UVSSA: variants seen among roughly 807,000 people sequenced by gnomAD.
UVSSA encodes UV stimulated scaffold protein A, also known as UV-stimulated scaffold protein A.
UVSSA carries 72 observed loss-of-function variants against 73.9 expected under a neutral mutation model. That is an observed-to-expected ratio of 0.97 (90% CI 0.81 to 1.19). The LOEUF is 1.19. Among genes scored for constraint, UVSSA ranks in the 50% most tolerant of loss-of-function variants. The pLI, the probability that UVSSA is intolerant of heterozygous loss-of-function variation, is 0.00. For missense variants in UVSSA, 1,150 were observed against 965.0 expected (o/e 1.19, Z -2.54); for synonymous variants, 454 against 391.3 (o/e 1.16, Z -1.89).
chr4:1,371,547 C>G (rs890167049), intron 8 of UVSSA, among the ~76,000 whole-genome samples: 4 of 152,144 alleles, frequency 2.6e-5, no homozygotes, highest in Non-Finnish European at 5.9e-5. Flanking sequence ...GGGCAATTTA[C>G]AGAAGAAAGA....
chr4:1,355,135 A>T lies in UVSSA; in HGVS notation c.1066A>T (p.Thr356Ser). ...TTCGCAGCGCTTCACCCGCGTCGGG[A>T]CCCACGGTGGATGTTTAAAGCGTGC... ...SWIQRFTRVG[T>S]HGGCLKRAID... The change falls in exon 7 of 14, where the codon ACC (threonine) becomes TCC (serine). Residue 356 changes from threonine to serine, a missense_variant. Transcript: ENST00000389851. The T allele has an allele frequency of 6.2e-7, 1 of 1,613,720 alleles. No individual in the cohort carries two copies. The highest frequency in any genetic ancestry group is 8.5e-7 in the Non-Finnish European group (1 of 1,179,898).
upstream of UVSSA, among the ~76,000 whole-genome samples, chr4:1,346,656 C>T (rs1200374733): frequency 6.6e-6 from 1 of 152,054 alleles, no homozygotes; most frequent in Non-Finnish European, 1.5e-5. Flanking sequence ...GGGCGCCCTG[C>T]GCGGGGCGAG....
chr4:1,384,371 T>TCAGCCCCAGCAGAGCC (rs1172822624), intron 13 of UVSSA: 3 of 180,264 alleles, frequency 1.7e-5, no homozygotes, highest in East Asian at 1.7e-4. Flanking sequence ...GGTCCACGCG[T>TCAGCCCCAGCAGAGCC]CAGCCCCAGC....
At chr4:1,368,904 G>A (rs1161494743) in intron 8 of UVSSA, among the ~76,000 whole-genome samples, 2 of 152,240 alleles carry the variant, frequency 1.3e-5, no homozygotes, top group Non-Finnish European at 2.9e-5. Flanking sequence ...CTCCTCTGCT[G>A]GCTCCAAGCC....
intron 8 of UVSSA, among the ~76,000 whole-genome samples, chr4:1,372,601 G>A (rs1235830481): frequency 6.8e-6 from 1 of 146,988 alleles, no homozygotes; most frequent in Non-Finnish European, 1.5e-5. Context: ...AATTCAGGTT[G>A]ATATGAACAC....
At chr4:1,382,329 G>A (rs979825334) in intron 12 of UVSSA, among the ~76,000 whole-genome samples, 3 of 152,190 alleles carry the variant, frequency 2.0e-5, no homozygotes, top group African/African-American at 4.8e-5. Context: ...CGCGGGCTGC[G>A]GCCAGCGCTG....
At chr4:1,352,909 C>A in intron 4 of UVSSA, 121 bp from the exon 5 acceptor site, 1 of 1,325,716 alleles carries the variant, frequency 7.5e-7, no homozygotes, top group Non-Finnish European at 1.0e-6. Flanking sequence ...TGCACCACTG[C>A]ATTCCACCTG....
intron 8 of UVSSA, among the ~76,000 whole-genome samples, chr4:1,370,109 T>G (rs1717846738): frequency 6.6e-6 from 1 of 151,898 alleles, no homozygotes; most frequent in Middle Eastern, 3.4e-3. Context: ...CTTACCCATC[T>G]TTTTAATGGT....
In UVSSA at chr4:1,365,868, CA is replaced by C. The variant is rs1291201256; in HGVS notation, c.1177-451del. ...GTGGGAAGATAACTGCCCTAAGCCT[CA>C]GGGGCACCGCAGACGCACCTGCTCC... On this transcript the variant is annotated intron_variant, in intron 7 of 13. Coordinates refer to ENST00000389851, the MANE Select transcript of UVSSA (RefSeq NM_020894.4). Among the ~76,000 whole-genome samples the C allele has an allele frequency of 1.7e-4, 26 of 151,808 alleles. No homozygotes were observed. In the East Asian group the frequency reaches 4.5e-3, roughly 26 times the overall value.
In UVSSA at chr4:1,360,305, T is replaced by C. The variant is rs1244939544; in HGVS notation, c.1176+5060T>C. Among the ~76,000 whole-genome samples, 5 of 152,220 alleles carry C rather than the reference T, an allele frequency of 3.3e-5. No homozygotes were observed. In the East Asian group the frequency reaches 7.7e-4, roughly 23 times the overall value. On this transcript the variant is annotated intron_variant, in intron 7 of 13. Transcript: ENST00000389851. ...ACACCGGTGGCACAGACCCGTCTTT[T>C]GGGCTTTCACCGTCCCTCAGTACCT...
At chr4:1,351,264 C>A (rs969488134) in intron 3 of UVSSA, among the ~76,000 whole-genome samples, 1 of 151,920 alleles carries the variant, frequency 6.6e-6, no homozygotes, top group Non-Finnish European at 1.5e-5. Context: ...TGGGATTTCA[C>A]CGTGTTAGCC....
intron 13 of UVSSA, chr4:1,385,665 C>A: frequency 1.7e-6 from 1 of 599,468 alleles, no homozygotes. Flanking sequence ...TGGGGCGGCC[C>A]TTTCTAAGCC....
At chr4:1,352,257 GA>G (rs1714889368) in intron 4 of UVSSA, among the ~76,000 whole-genome samples, 1 of 152,246 alleles carries the variant, frequency 6.6e-6, no homozygotes, top group African/African-American at 2.4e-5. Flanking sequence ...AGAGTGTGAG[GA>G]GGGGGTGCCA....
intron 7 of UVSSA, chr4:1,356,599 A>T (rs1238332604): frequency 6.6e-6 from 1 of 152,298 alleles, no homozygotes; most frequent in South Asian, 2.1e-4. Flanking sequence ...CTTGGGAGGA[A>T]GATGGTGAGT....
rs1479389588 is a variant in UVSSA at position 1,383,848 on chromosome 4, CAG to C, written c.1945_1946del (p.Arg649GlyfsTer17). On this transcript the variant is annotated frameshift_variant, in exon 13 of 14. Transcript: ENST00000389851. LOFTEE classifies it high-confidence loss of function. The stretch of plus-strand genomic sequence containing the variant: ...GCTCATCCAGGTACAGCGGGAAAGG[CAG>C]GGGGAAGAAGAGGAGGTACCCCAGC... ...LGSSRYSGKG[R>X]GKKRRYPSLT... 1.9e-5 allele frequency: 30 copies of C among 1,613,446 alleles called. No homozygotes were observed. The highest frequency in any genetic ancestry group is 2.5e-5 in the Non-Finnish European group (29 of 1,180,014).
chr4:1,376,954 G>A (rs561752352), intron 10 of UVSSA, among the ~76,000 whole-genome samples: 14 of 152,292 alleles, frequency 9.2e-5, no homozygotes, highest in African/African-American at 1.2e-4. Context: ...GCCAGTCCCC[G>A]CCATCAAGAC....
At chr4:1,381,115 C>G in intron 12 of UVSSA, 127 bp downstream of exon 12, 1 of 886,802 alleles carries the variant, frequency 1.1e-6, no homozygotes, top group East Asian at 2.7e-5. Flanking sequence ...AGCTACAAGC[C>G]TCTCGGTCAT....
rs771911094 is a variant in UVSSA at position 1,395,167 on chromosome 4, G to A, written c.*9206G>A. On this transcript the variant is annotated 3_prime_UTR_variant, in exon 14 of 14. Coordinates refer to the UVSSA transcript ENST00000511216. ...TCACACGTGCCCATGTGGAGTGTTC[G>A]CCTGCTCACACGTGCCGATGCGGAG... The A allele has an allele frequency of 1.5e-5, 20 of 1,350,966 alleles. 4 individuals carry two copies. The highest frequency in any genetic ancestry group is 2.6e-5 in the South Asian group (2 of 76,116). 83.7% of individuals were successfully genotyped at this position (1,350,966 alleles called of 1,614,324 possible).
At chr4:1,344,916 C>T (rs1254618368), upstream of UVSSA, among the ~76,000 whole-genome samples, 1 of 152,136 alleles carries the variant, frequency 6.6e-6, no homozygotes, top group East Asian at 1.9e-4. Flanking sequence ...AGAAGCTTCC[C>T]GGCAGAGGGA....
Sources: allele counts gnomAD v4.1 joint callset (sites outside exome capture counted in the v4.1 genomes callset), GRCh38; gene constraint gnomAD v4.1.1; transcripts MANE v1.5; gene names NCBI Gene and HGNC (gene_info 2026-07-23, HGNC 2026-07-21).